The following GPRASP3 variants were observed in gnomAD, a reference collection of about 807,000 sequenced individuals.
GPRASP3 encodes G protein-coupled receptor associated sorting protein family member 3.
the GPRASP3 span, among the ~76,000 whole-genome samples, chrX:102,723,946 G>A: frequency 1.8e-5 from 2 of 111,942 alleles, no homozygotes; most frequent in African/African-American, 6.5e-5. Context: ...GGAGAGTGGT[G>A]TACCCTGACT....
the GPRASP3 span, chrX:102,748,990 T>C: frequency 8.3e-7 from 1 of 1,199,871 alleles, no homozygotes; most frequent in Admixed American, 2.3e-5. Context: ...TAACTGGGCT[T>C]CAACCATGGC....
chrX:102,729,407 G>GA, the GPRASP3 span, among the ~76,000 whole-genome samples: 3 of 111,677 alleles, frequency 2.7e-5, no homozygotes, highest in Non-Finnish European at 5.6e-5. Flanking sequence ...ACAAAAGACT[G>GA]AAATTTAATC....
chrX:102,734,124 A>G, the GPRASP3 span, among the ~76,000 whole-genome samples: 12,750 of 110,782 alleles, frequency 0.12, 678 homozygotes, highest in East Asian at 0.21. Flanking sequence ...AGTTAAGGCA[A>G]GAACAGGCCA....
chrX:102,746,602 C>G, the GPRASP3 span, among the ~76,000 whole-genome samples: 1 of 112,271 alleles, frequency 8.9e-6, no homozygotes, highest in Non-Finnish European at 1.9e-5. Context: ...AGAGGTGGGC[C>G]GCGTTCGCTA....
chrX:102,741,120 G>T, the GPRASP3 span, among the ~76,000 whole-genome samples: 1 of 111,710 alleles, frequency 9.0e-6, no homozygotes, highest in Non-Finnish European at 1.9e-5. Context: ...TCAGAAGAAA[G>T]AATTTGACTG....
chrX:102,728,944 A>G, the GPRASP3 span, among the ~76,000 whole-genome samples: 3 of 112,220 alleles, frequency 2.7e-5, no homozygotes, highest in African/African-American at 6.5e-5. Context: ...AGGCAAATCC[A>G]GAGAGTCACA....
At chrX:102,750,043 G>A in the GPRASP3 span, 10 of 1,198,476 alleles carry the variant, frequency 8.3e-6, no homozygotes, top group African/African-American at 1.8e-5. Flanking sequence ...TGCAATGGGT[G>A]TCCATAATGT....
At chrX:102,740,296 G>C in the GPRASP3 span, among the ~76,000 whole-genome samples, 2 of 111,508 alleles carry the variant, frequency 1.8e-5, no homozygotes, top group African/African-American at 6.5e-5. Flanking sequence ...GAGACTGACA[G>C]AGAGAGAGAG....
the GPRASP3 span, among the ~76,000 whole-genome samples, chrX:102,740,977 G>A: frequency 2.7e-5 from 3 of 111,698 alleles, no homozygotes; most frequent in African/African-American, 9.8e-5. Context: ...CTTAACATCT[G>A]AGTCACATGG....
At chrX:102,745,084 G>A in the GPRASP3 span, among the ~76,000 whole-genome samples, 1 of 111,193 alleles carries the variant, frequency 9.0e-6, no homozygotes, top group East Asian at 2.8e-4. Context: ...AGCGCAGCTG[G>A]AATCTGGGAT....
At chrX:102,728,565 ACTG>A in the GPRASP3 span, among the ~76,000 whole-genome samples, 1 of 95,004 alleles carries the variant, frequency 1.1e-5, no homozygotes, top group Admixed American at 1.2e-4. Flanking sequence ...AGCAATGTGC[ACTG>A]CTTTTTTTTT....
chrX:102,749,846 A>G, the GPRASP3 span: 2 of 1,206,149 alleles, frequency 1.7e-6, no homozygotes, highest in African/African-American at 3.5e-5. Context: ...TGTCGTTTTG[A>G]TTCTGACCCC....
At chrX:102,725,300 T>C in the GPRASP3 span, among the ~76,000 whole-genome samples, 1 of 111,851 alleles carries the variant, frequency 8.9e-6, no homozygotes, top group Non-Finnish European at 1.9e-5. Flanking sequence ...CCCAACTGTA[T>C]TGTGTGCTTT....
At chrX:102,750,176 G>A in the GPRASP3 span, 1 of 1,204,429 alleles carries the variant, frequency 8.3e-7, no homozygotes, top group Non-Finnish European at 1.1e-6. Flanking sequence ...CCTCCTTCTG[G>A]GGATGAAAGA....
At chrX:102,745,468 A>G in the GPRASP3 span, among the ~76,000 whole-genome samples, 1 of 111,089 alleles carries the variant, frequency 9.0e-6, no homozygotes, top group Admixed American at 9.5e-5. Flanking sequence ...GCGTGGCTCC[A>G]TGAAGCTGGG....
chrX:102,726,085 G>A, the GPRASP3 span, among the ~76,000 whole-genome samples: 1 of 111,395 alleles, frequency 9.0e-6, no homozygotes, highest in African/African-American at 3.3e-5. Flanking sequence ...TATGTGCCAG[G>A]GTACTCTACT....
the GPRASP3 span, chrX:102,752,788 G>C: frequency 8.3e-6 from 1 of 120,259 alleles, no homozygotes. Flanking sequence ...CTTTTTTTTT[G>C]AGACAGAGTC....
the GPRASP3 span, among the ~76,000 whole-genome samples, chrX:102,729,210 A>T: frequency 1.8e-5 from 2 of 111,503 alleles, no homozygotes; most frequent in African/African-American, 6.5e-5. Flanking sequence ...ATACACCCAG[A>T]GCCTTCTTCA....
the GPRASP3 span, chrX:102,745,846 G>C: frequency 1.8e-5 from 2 of 111,448 alleles, no homozygotes; most frequent in African/African-American, 6.5e-5. Context: ...TCCTCCTGAG[G>C]CAGCCTGGTG....
Sources: gnomAD v4.1 joint callset for allele counts (sites outside exome capture counted in the v4.1 genomes callset) on GRCh38, gnomAD v4.1.1 for gene constraint, MANE v1.5 for transcripts, NCBI Gene and HGNC (gene_info 2026-07-23, HGNC 2026-07-21) for gene names.